Variants in TRAK1 observed in about 807,000 individuals in gnomAD.
TRAK1 encodes trafficking kinesin protein 1, also known as trafficking kinesin-binding protein 1.
A neutral mutation model predicts 92.1 loss-of-function variants in TRAK1; 33 were observed. The ratio of observed to expected loss-of-function variants is 0.36; its 90% confidence interval spans 0.27 to 0.48. The LOEUF is 0.48. Ranked by LOEUF, TRAK1 falls within the 20% of genes least tolerant of loss-of-function variation. The pLI, the probability that TRAK1 is intolerant of heterozygous loss-of-function variation, is 0.99. For synonymous variants in TRAK1, 521 were observed against 517.3 expected, an observed-to-expected ratio of 1.01 and a Z score of -0.10; for missense variants, 1,123 against 1,257.9, an observed-to-expected ratio of 0.89 and a Z score of 1.62.
chr3:42,021,316 A>G (rs1701714185), intron 1 of TRAK1, among the ~76,000 whole-genome samples: 2 of 152,198 alleles, frequency 1.3e-5, no homozygotes, highest in African/African-American at 4.8e-5. Context: ...TATATTTTAA[A>G]TAAAATGCAG....
At chr3:42,088,653 C>T (rs1010133370), upstream of TRAK1, among the ~76,000 whole-genome samples, 2 of 152,174 alleles carry the variant, frequency 1.3e-5, no homozygotes, top group Non-Finnish European at 2.9e-5. Context: ...GCTCATGCCC[C>T]ACCACACTGA....
chr3:42,222,963 A>G lies in TRAK1; in HGVS notation c.2088A>G (p.Pro696=), dbSNP rs1710506479. 3 of 1,613,528 alleles carry G rather than the reference A, an allele frequency of 1.9e-6. No individual in the cohort carries two copies. Among genetic ancestry groups the G allele is most frequent in the Non-Finnish European group, 8.5e-7 (1 of 1,179,674 alleles). Residue 696 remains proline (P), a synonymous_variant, in exon 16 of 16, where the codon CCA becomes CCG. Coordinates refer to ENST00000327628, the MANE Select transcript of TRAK1 (RefSeq NM_001042646.3). ...VTPSLNSAPT[P]ACGSTSHLKS... is the part of the protein sequence containing the mutation. ...TCAGCCTTAACTCAGCCCCAACTCCAGCTTGTGGCAGCACCAGCCACTTGA... is the reference window on the plus strand; with the variant it reads ...TCAGCCTTAACTCAGCCCCAACTCCGGCTTGTGGCAGCACCAGCCACTTGA...
chr3:42,218,640 A>G, intron 14 of TRAK1: 1 of 985,332 alleles, frequency 1.0e-6, no homozygotes, highest in Non-Finnish European at 1.2e-6. Context: ...GCATGGTCCT[A>G]ACACTTCCAT....
At chr3:42,125,699 C>CT (rs1263002895) in intron 2 of TRAK1, 85 bp downstream of exon 2, 1 of 1,472,006 alleles carries the variant, frequency 6.8e-7, no homozygotes, top group South Asian at 1.3e-5. Context: ...CTTGTACTGG[C>CT]TACCCTGTGA....
intron 1 of TRAK1, among the ~76,000 whole-genome samples, chr3:42,040,555 T>C (rs1702494071): frequency 6.6e-6 from 1 of 152,206 alleles, no homozygotes; most frequent in East Asian, 1.9e-4. Flanking sequence ...GACTGTTCTT[T>C]CCATATTGAG....
chr3:42,138,293 C>T (rs77117861), intron 2 of TRAK1, among the ~76,000 whole-genome samples: 6,610 of 152,166 alleles, frequency 0.043, 485 homozygotes, highest in African/African-American at 0.15. Flanking sequence ...TACAAATCGT[C>T]GAAAATAATT....
At chr3:42,130,082 A>T (rs1696995190) in intron 2 of TRAK1, among the ~76,000 whole-genome samples, 1 of 152,004 alleles carries the variant, frequency 6.6e-6, no homozygotes, top group Non-Finnish European at 1.5e-5. Context: ...TTTGAAGATG[A>T]GGTTTCTTTT....
chr3:42,048,652 C>T (rs1702858314), intron 1 of TRAK1, among the ~76,000 whole-genome samples: 1 of 151,826 alleles, frequency 6.6e-6, no homozygotes, highest in Non-Finnish European at 1.5e-5. Context: ...CAACCTCCAC[C>T]CTGGGCTCAA....
chr3:42,069,271 T>TG (rs1381857332), intron 1 of TRAK1, among the ~76,000 whole-genome samples: 1 of 150,950 alleles, frequency 6.6e-6, no homozygotes, highest in Non-Finnish European at 1.5e-5. Context: ...CAGTGAGACT[T>TG]GCTTGTGTCA....
At chr3:42,045,667 T>TAC (rs1232923903) in intron 1 of TRAK1, among the ~76,000 whole-genome samples, 9 of 152,226 alleles carry the variant, frequency 5.9e-5, no homozygotes, top group African/African-American at 2.2e-4. Context: ...GTACACCTTG[T>TAC]ACAGACTTTG....
chr3:42,218,540 C>T, intron 14 of TRAK1: 1 of 983,380 alleles, frequency 1.0e-6, no homozygotes, highest in Non-Finnish European at 1.2e-6. Flanking sequence ...TATTTTTTTT[C>T]CTGATGCTTG....
chr3:42,125,748 C>G lies in TRAK1; in HGVS notation c.286+134C>G, dbSNP rs571883426. Reference sequence around the variant, plus strand: ...CTCTGGAAAGGTAGTCAAAGAAATGCGGCTGTAGGGGTTAACCGCACAAAA... The same window carrying G: ...CTCTGGAAAGGTAGTCAAAGAAATGGGGCTGTAGGGGTTAACCGCACAAAA... On this transcript the variant is annotated intron_variant, in intron 2 of 15. Transcript: ENST00000327628. 129 of 993,114 alleles carry G rather than the reference C, an allele frequency of 1.3e-4. No homozygotes were observed. The East Asian group carries it at 3.1e-3, about 24-fold the overall frequency. 61.5% of individuals were successfully genotyped at this position (993,114 alleles called of 1,614,324 possible).
rs947311493 is a variant in TRAK1 at position 42,149,135 on chromosome 3, C to T, written c.286+23521C>T. 11 of 958,306 alleles carry T rather than the reference C, an allele frequency of 1.1e-5. No homozygotes were observed. In the African/African-American group the frequency reaches 1.6e-4, roughly 14 times the overall value. The allele number at this position is 958,306 out of a possible 1,614,324, so 59.4% of individuals were successfully genotyped here. On this transcript the variant is annotated intron_variant, in intron 2 of 15. Coordinates refer to ENST00000327628, the MANE Select transcript of TRAK1 (RefSeq NM_001042646.3). ...GGCAACGGTTAGATTGAAAGATGAG[C>T]GGCGAGCAGGAGACGAGGCTTGAGT... is the stretch of plus-strand genomic sequence containing the variant.
intron 1 of TRAK1, among the ~76,000 whole-genome samples, chr3:42,067,947 A>G (rs2148933701): frequency 6.6e-6 from 1 of 152,146 alleles, no homozygotes; most frequent in South Asian, 2.1e-4. Flanking sequence ...CGAGGCGGGC[A>G]GATCATCTGA....
chr3:42,056,354 C>T (rs907514952), intron 1 of TRAK1, among the ~76,000 whole-genome samples: 2 of 152,146 alleles, frequency 1.3e-5, no homozygotes, highest in East Asian at 3.8e-4. Context: ...TTGTTATTAT[C>T]TGTCTTTTTG....
intron 1 of TRAK1, among the ~76,000 whole-genome samples, chr3:42,108,183 T>A (rs1000475267): frequency 1.3e-5 from 2 of 152,006 alleles, no homozygotes; most frequent in African/African-American, 4.8e-5. Flanking sequence ...CCATGTCTCC[T>A]TGACTATAAT....
rs1707781403 is a variant in TRAK1, at chr3:42,202,590, G to A, written c.1582G>A (p.Ala528Thr). ...EEQERKLQEL[A>T]EKGELRSGSL... ...GCAAGAGAGGAAGCTCCAGGAGCTG[G>A]CGGAGAAGGGCGAGCTGCGCAGCGG... Residue 528 changes from alanine (A) to threonine (T), a missense_variant, in exon 13 of 16, where the codon GCG becomes ACG. Physicochemically the swap from Ala to Thr is moderately conservative, Grantham distance 58 (BLOSUM62 0). This residue lies in a region of TRAK1 where 686 missense variants were observed against 747.6 expected (regional missense o/e 0.92). Transcript: ENST00000327628. This position sits in a 1 kb window ranked among gnomAD's most constrained non-coding sequence, Gnocchi z 6.1. 1.9e-6 allele frequency: 3 copies of A among 1,591,216 alleles called. No homozygotes were observed. Among genetic ancestry groups the A allele is most frequent in the Non-Finnish European group, 2.6e-6 (3 of 1,162,932 alleles).
intron 6 of TRAK1, 25 bp downstream of exon 6, chr3:42,189,149 C>T: frequency 1.9e-6 from 3 of 1,557,966 alleles, no homozygotes; most frequent in Non-Finnish European, 1.8e-6. Context: ...CTTCTCTTGC[C>T]CCTGCTAGAA....
chr3:42,217,354 G>C (rs1709835038), intron 14 of TRAK1: 16 of 985,326 alleles, frequency 1.6e-5, no homozygotes, highest in Non-Finnish European at 1.8e-5. Flanking sequence ...TTAGCACTTT[G>C]GAAACTTGTT....
Sources: allele counts gnomAD v4.1 joint callset (sites outside exome capture counted in the v4.1 genomes callset), GRCh38; gene constraint gnomAD v4.1.1; regional missense constraint gnomAD v4.1.1; non-coding constraint Gnocchi (gnomAD v3.1); transcripts MANE v1.5; gene names NCBI Gene and HGNC (gene_info 2026-07-23, HGNC 2026-07-21).